Variants in COL19A1 observed in about 807,000 individuals in gnomAD.
COL19A1 encodes collagen type XIX alpha 1 chain.
A neutral mutation model predicts 190.2 loss-of-function variants in COL19A1; 159 were observed. That is an observed-to-expected ratio of 0.84 (90% CI 0.73 to 0.95). The LOEUF (loss-of-function observed/expected upper bound fraction) is 0.95. COL19A1 is among the 40% of genes least tolerant of loss of function. The pLI is 0.00. For missense variants in COL19A1, 1,418 were observed against 1,431.9 expected, an observed-to-expected ratio of 0.99 and a Z score of 0.16; for synonymous variants, 509 against 458.9, an observed-to-expected ratio of 1.11 and a Z score of -1.39.
At chr6:69,939,002 G>A (rs774523186) in intron 9 of COL19A1, among the ~76,000 whole-genome samples, 17 of 151,970 alleles carry the variant, frequency 1.1e-4, no homozygotes, top group Admixed American at 4.6e-4. Context: ...TGCTCCCCCC[G>A]CTTTAAAAAG....
intron 15 of COL19A1, among the ~76,000 whole-genome samples, chr6:70,078,354 G>A (rs1782016717): frequency 6.6e-6 from 1 of 152,182 alleles, no homozygotes; most frequent in African/African-American, 2.4e-5. Context: ...GCGATTTACA[G>A]AAGAAACCTG....
intron 7 of COL19A1, 137 bp from the exon 8 acceptor site, chr6:69,936,648 T>C: frequency 2.9e-6 from 3 of 1,040,658 alleles, no homozygotes; most frequent in Non-Finnish European, 4.2e-6. Flanking sequence ...ATTCTCACAC[T>C]GGTGTTAACT....
chr6:69,939,492 C>T (rs1773315232), intron 9 of COL19A1, among the ~76,000 whole-genome samples: 1 of 152,106 alleles, frequency 6.6e-6, no homozygotes, highest in Admixed American at 6.6e-5. Flanking sequence ...TGTGGCCAAA[C>T]TGGGATCTGA....
At chr6:69,926,756 A>G (rs1304076923) in intron 4 of COL19A1, among the ~76,000 whole-genome samples, 1 of 152,184 alleles carries the variant, frequency 6.6e-6, no homozygotes, top group African/African-American at 2.4e-5. Flanking sequence ...ATTAACTTAT[A>G]CATTCAGGAA....
chr6:70,055,781 T>TAAAAAAAAAAAAA (rs55871207), intron 14 of COL19A1, among the ~76,000 whole-genome samples: 1 of 117,470 alleles, frequency 8.5e-6, no homozygotes, highest in African/African-American at 3.4e-5. Flanking sequence ...AACTCTGTAT[T>TAAAAAAAAAAAAA]AAAAAAAAAA....
chr6:70,027,538 T>A (rs1778792261), intron 12 of COL19A1, among the ~76,000 whole-genome samples: 1 of 144,236 alleles, frequency 6.9e-6, no homozygotes, highest in Admixed American at 7.0e-5. Context: ...GTGCTGATAT[T>A]TTTCTAAGTG....
In COL19A1 at chr6:70,109,437, T is replaced by A. The variant is rs1205621956; in HGVS notation, c.1278+7215T>A. On this transcript the variant is annotated intron_variant, in intron 16 of 50. Coordinates refer to ENST00000620364, the MANE Select transcript of COL19A1 (RefSeq NM_001858.6). ...TGCCAGAAAAGATTTGGGAGCTGAA[T>A]GGCTTCATCATATAGGGCCTTATAA... Among the ~76,000 whole-genome samples the A allele has an allele frequency of 3.3e-5, 5 of 152,090 alleles. No individual in the cohort carries two copies. The East Asian group carries it at 9.7e-4, about 29-fold the overall frequency.
rs1223893245 is a variant in COL19A1, at chr6:70,208,180, T to G, written c.*906T>G. ...AAGCTTCAGTGGCCTAGCAAGATCT[T>G]TGGGCCCTTGTATCCATTATCCTTA... On this transcript the variant is annotated 3_prime_UTR_variant, in exon 51 of 51. Transcript: ENST00000620364. 1 of 152,234 alleles carries G rather than the reference T, an allele frequency of 6.6e-6. No homozygotes were observed. The highest frequency in any genetic ancestry group is 2.4e-5 in the African/African-American group (1 of 41,450). The allele number at this position is 152,234 out of a possible 1,614,324, so 9.4% of individuals were successfully genotyped here.
intron 16 of COL19A1, among the ~76,000 whole-genome samples, chr6:70,107,514 G>C (rs941118204): frequency 6.6e-6 from 1 of 152,112 alleles, no homozygotes; most frequent in Non-Finnish European, 1.5e-5. Flanking sequence ...TAAATGTAAA[G>C]CTCTATCTAA....
At chr6:70,045,899 T>C (rs1174600151) in intron 14 of COL19A1, among the ~76,000 whole-genome samples, 1 of 152,212 alleles carries the variant, frequency 6.6e-6, no homozygotes. Flanking sequence ...CTCCATGCTG[T>C]TTAATTTTTC....
chr6:69,905,504 C>T (rs1329567269), intron 4 of COL19A1, among the ~76,000 whole-genome samples: 2 of 149,070 alleles, frequency 1.3e-5, no homozygotes, highest in East Asian at 3.9e-4. Context: ...AGATGGACAG[C>T]TTTGACTCTC....
At chr6:70,020,498 T>C (rs74469211) in intron 11 of COL19A1, among the ~76,000 whole-genome samples, 7,315 of 152,202 alleles carry the variant, frequency 0.048, 564 homozygotes, top group African/African-American at 0.16. Context: ...TTAACTTAAA[T>C]GCAGGATTGC....
intron 11 of COL19A1, among the ~76,000 whole-genome samples, chr6:69,986,333 G>T (rs1006293506): frequency 1.3e-5 from 2 of 150,812 alleles, no homozygotes; most frequent in African/African-American, 2.4e-5. Context: ...TTAAGCTGAG[G>T]TTATTGATTG....
intron 19 of COL19A1, among the ~76,000 whole-genome samples, chr6:70,140,289 A>G (rs1375855145): frequency 1.3e-5 from 2 of 152,076 alleles, no homozygotes; most frequent in Non-Finnish European, 2.9e-5. Context: ...TACTTATAAT[A>G]TATATTACAA....
At chr6:69,869,758 G>C (rs1157767667) in intron 1 of COL19A1, among the ~76,000 whole-genome samples, 1 of 152,200 alleles carries the variant, frequency 6.6e-6, no homozygotes, top group Non-Finnish European at 1.5e-5. Flanking sequence ...TCATAGTTCA[G>C]AGAAGTGAGT....
chr6:69,972,649 G>A (rs1001096710), intron 11 of COL19A1, among the ~76,000 whole-genome samples: 5 of 146,220 alleles, frequency 3.4e-5, no homozygotes, highest in Non-Finnish European at 6.0e-5. Flanking sequence ...TACATGTATG[G>A]CCCTTAGAAT....
chr6:70,090,368 T>A (rs1338916987), intron 15 of COL19A1, among the ~76,000 whole-genome samples: 3 of 152,168 alleles, frequency 2.0e-5, no homozygotes, highest in African/African-American at 7.2e-5. Flanking sequence ...CATTACAATA[T>A]AACAACTATT....
intron 1 of COL19A1, among the ~76,000 whole-genome samples, chr6:69,874,215 C>T (rs1397282032): frequency 6.6e-6 from 1 of 152,134 alleles, no homozygotes; most frequent in East Asian, 1.9e-4. Flanking sequence ...GGTTTCTGGT[C>T]AGGAAAAGGA....
chr6:70,093,707 A>T (rs535728402), intron 15 of COL19A1, among the ~76,000 whole-genome samples: 2 of 152,326 alleles, frequency 1.3e-5, no homozygotes, highest in African/African-American at 2.4e-5. Context: ...AATGATCGGG[A>T]TACTCACATC....
Sources: allele counts gnomAD v4.1 joint callset (sites outside exome capture counted in the v4.1 genomes callset), GRCh38; gene constraint gnomAD v4.1.1; transcripts MANE v1.5; gene names NCBI Gene and HGNC (gene_info 2026-07-23, HGNC 2026-07-21).